The following VOPP1 variants were observed in gnomAD, a reference collection of about 807,000 sequenced individuals.
The protein encoded by VOPP1 is WW domain binding protein VOPP1.
Under a neutral mutation model 23.5 loss-of-function variants are expected in VOPP1, and 8 were observed. The observed-to-expected ratio is 0.34, with a 90% CI of 0.20 to 0.61. The LOEUF (loss-of-function observed/expected upper bound fraction) is 0.61. VOPP1 is among the 20% of genes least tolerant of loss of function. VOPP1 has a pLI of 0.78. For synonymous variants in VOPP1, 83 were observed against 97.3 expected (o/e 0.85, Z 0.86); for missense variants, 174 against 238.1 (o/e 0.73, Z 1.77).
chr7:55,545,935 C>T (rs1279927054), intron 1 of VOPP1, among the ~76,000 whole-genome samples: 1 of 152,054 alleles, frequency 6.6e-6, no homozygotes, highest in Non-Finnish European at 1.5e-5. Context: ...AGCATGGTGG[C>T]ACATGCCTGT....
chr7:55,490,126 GC>G (rs1463511401), intron 4 of VOPP1, among the ~76,000 whole-genome samples: 3 of 152,128 alleles, frequency 2.0e-5, no homozygotes, highest in Admixed American at 2.0e-4. Flanking sequence ...TACACTGTGA[GC>G]CAGGTGAGCT....
intron 2 of VOPP1, among the ~76,000 whole-genome samples, chr7:55,506,135 T>G (rs1794708998): frequency 1.3e-5 from 2 of 152,202 alleles, no homozygotes; most frequent in South Asian, 4.1e-4. Context: ...CAGGTCCTTC[T>G]AAAAATCTCA....
At chr7:55,528,552 G>A (rs890038262) in intron 1 of VOPP1, among the ~76,000 whole-genome samples, 1 of 152,150 alleles carries the variant, frequency 6.6e-6, no homozygotes, top group Admixed American at 6.5e-5. Context: ...GGGCGTGGTG[G>A]CGCATGCCTG....
At chr7:55,464,749 C>T (rs746411129) in intron 4 of VOPP1, among the ~76,000 whole-genome samples, 3 of 152,114 alleles carry the variant, frequency 2.0e-5, no homozygotes, top group Admixed American at 6.5e-5. Flanking sequence ...TGTTGAGTCC[C>T]GGGGAAGGAT....
intron 1 of VOPP1, among the ~76,000 whole-genome samples, chr7:55,526,094 A>G (rs945505912): frequency 2.6e-5 from 4 of 152,214 alleles, no homozygotes; most frequent in African/African-American, 7.2e-5. Context: ...TGCAGAGCAG[A>G]GACAATACGC....
intron 1 of VOPP1, among the ~76,000 whole-genome samples, chr7:55,549,904 G>C (rs1797532174): frequency 6.6e-6 from 1 of 152,114 alleles, no homozygotes; most frequent in South Asian, 2.1e-4. Context: ...CTTGGAAAAA[G>C]ACTTTTTCCC....
At chr7:55,521,242 A>G (rs1486416773) in intron 1 of VOPP1, 112 bp from the exon 2 acceptor site, 2 of 1,127,636 alleles carry the variant, frequency 1.8e-6, no homozygotes, top group Non-Finnish European at 2.5e-6. Context: ...ACCCATGAAA[A>G]GCTGGGATAT....
chr7:55,519,420 A>T (rs1274283234), intron 2 of VOPP1, among the ~76,000 whole-genome samples: 1 of 152,230 alleles, frequency 6.6e-6, no homozygotes, highest in Non-Finnish European at 1.5e-5. Flanking sequence ...AGCTCTGACA[A>T]AGCTGATCTA....
chr7:55,467,246 C>G (rs1791655730), downstream of VOPP1, among the ~76,000 whole-genome samples: 1 of 152,208 alleles, frequency 6.6e-6, no homozygotes, highest in African/African-American at 2.4e-5. Flanking sequence ...CGTAAAGCAC[C>G]CCCTTTGTGA....
intron 4 of VOPP1, among the ~76,000 whole-genome samples, chr7:55,479,588 T>C (rs1792550774): frequency 6.6e-6 from 1 of 152,248 alleles, no homozygotes; most frequent in Admixed American, 6.5e-5. Context: ...TCCTTCCTGA[T>C]GGTTGAATAT....
Position 55,498,758 on chromosome 7 carries a change from A to C in VOPP1, c.114-1068T>G, listed in dbSNP as rs548428249. Among the ~76,000 whole-genome samples, 14 of 152,156 alleles carry C rather than the reference A, an allele frequency of 9.2e-5. No homozygotes were observed. In the East Asian group the frequency reaches 2.7e-3, roughly 29 times the overall value. On this transcript the variant is annotated intron_variant, in intron 2 of 4. Transcript: ENST00000285279. Reference sequence around the variant, plus strand: ...CTGAATGTGTAGATTATTGCAGTACAAATAGGCTTGTTTTATGTAGAAGTA... The same window carrying C: ...CTGAATGTGTAGATTATTGCAGTACCAATAGGCTTGTTTTATGTAGAAGTA...
intron 3 of VOPP1, among the ~76,000 whole-genome samples, chr7:55,496,061 G>A (rs911705399): frequency 6.6e-6 from 1 of 152,158 alleles, no homozygotes; most frequent in African/African-American, 2.4e-5. Flanking sequence ...ACAGCTTCTG[G>A]GCAGCTCCAC....
rs113060232 is a variant in VOPP1, at chr7:55,564,511, T to C, written c.54+7760A>G. Reference sequence around the variant, plus strand: ...TAGCAAAAGAGATGGCTATGGACCCTTTTTTTGTCTTACCTAGGGCAGAAA... The same window carrying C: ...TAGCAAAAGAGATGGCTATGGACCCCTTTTTTGTCTTACCTAGGGCAGAAA... On this transcript the variant is annotated intron_variant, in intron 1 of 4. Coordinates refer to ENST00000285279, the MANE Select transcript of VOPP1 (RefSeq NM_030796.5). Among the ~76,000 whole-genome samples, 240 of 152,220 alleles carry C rather than the reference T, an allele frequency of 1.6e-3. No individual in the cohort carries two copies. In the East Asian group the frequency reaches 0.019, roughly 12 times the overall value.
chr7:55,504,431 G>A (rs1020819253), intron 2 of VOPP1, among the ~76,000 whole-genome samples: 1 of 152,164 alleles, frequency 6.6e-6, no homozygotes, highest in Non-Finnish European at 1.5e-5. Flanking sequence ...AACTCCAAAG[G>A]ATACATGAGC....
At chr7:55,461,306 T>C (rs1791495326) in intron 4 of VOPP1, among the ~76,000 whole-genome samples, 1 of 151,930 alleles carries the variant, frequency 6.6e-6, no homozygotes, top group Admixed American at 6.6e-5. Flanking sequence ...GGGTGATGGG[T>C]GCATCAAAAT....
At chr7:55,560,899 C>A (rs1797962346) in intron 1 of VOPP1, among the ~76,000 whole-genome samples, 2 of 152,176 alleles carry the variant, frequency 1.3e-5, no homozygotes, top group African/African-American at 4.8e-5. Flanking sequence ...CCTAACATAG[C>A]CATCATAACA....
intron 1 of VOPP1, among the ~76,000 whole-genome samples, chr7:55,567,316 A>G (rs1480236788): frequency 6.6e-6 from 1 of 152,256 alleles, no homozygotes; most frequent in Non-Finnish European, 1.5e-5. Context: ...ATTCTGTCAT[A>G]TTTTAAAGAT....
intron 1 of VOPP1, chr7:55,521,640 AG>A (rs1274578961): frequency 4.5e-5 from 44 of 987,472 alleles, no homozygotes; most frequent in Non-Finnish European, 4.6e-5. Context: ...AGGAAGAGAA[AG>A]AAGGAACAAG....
At chr7:55,557,637 G>A (rs1797854298) in intron 1 of VOPP1, among the ~76,000 whole-genome samples, 2 of 152,148 alleles carry the variant, frequency 1.3e-5, no homozygotes, top group African/African-American at 4.8e-5. Context: ...GGAATATTGT[G>A]GGGATGGGAA....
Sources: allele counts gnomAD v4.1 joint callset (sites outside exome capture counted in the v4.1 genomes callset), GRCh38; gene constraint gnomAD v4.1.1; transcripts MANE v1.5; gene names NCBI Gene and HGNC (gene_info 2026-07-23, HGNC 2026-07-21).